DMD: variants seen among roughly 807,000 people sequenced by gnomAD.
DMD encodes dystrophin.
Under a neutral mutation model 330.1 loss-of-function variants are expected in DMD, and 63 were observed. The ratio of observed to expected loss-of-function variants is 0.19; its 90% CI spans 0.16 to 0.24. The LOEUF (loss-of-function observed/expected upper bound fraction) is 0.24. Ranked by LOEUF, DMD falls within the 10% of genes least tolerant of loss-of-function variation. The pLI is 1.00. For missense variants in DMD, 3,344 were observed against 2,684.1 expected (o/e 1.25, Z -5.43); for synonymous variants, 1,223 against 959.8 (o/e 1.27, Z -5.07).
At chrX:33,005,937 T>A (rs779831006) in intron 2 of DMD, among the ~76,000 whole-genome samples, 1 of 111,503 alleles carries the variant, frequency 9.0e-6, no homozygotes, top group African/African-American at 3.2e-5. Flanking sequence ...TAAAATTCAA[T>A]TGTTTCTTAC....
At chrX:31,164,396 A>G (rs917886374) in intron 74 of DMD, among the ~76,000 whole-genome samples, 2 of 111,626 alleles carry the variant, frequency 1.8e-5, no homozygotes, top group Admixed American at 9.5e-5. Flanking sequence ...CCCTTCAGGA[A>G]GGACCTCTAA....
At chrX:32,656,040 A>G (rs1195423027) in intron 9 of DMD, among the ~76,000 whole-genome samples, 2 of 111,543 alleles carry the variant, frequency 1.8e-5, no homozygotes, top group South Asian at 3.7e-4. Flanking sequence ...TCATCCTCCA[A>G]TATGTATCTT....
chrX:31,348,004 A>G (rs2058192167), intron 61 of DMD, among the ~76,000 whole-genome samples: 1 of 111,670 alleles, frequency 9.0e-6, no homozygotes, highest in Non-Finnish European at 1.9e-5. Flanking sequence ...CCTGTTGGCC[A>G]TTTGTATGCC....
chrX:32,651,004 T>C (rs1028302110), intron 9 of DMD, among the ~76,000 whole-genome samples: 1 of 111,982 alleles, frequency 8.9e-6, no homozygotes, highest in African/African-American at 3.3e-5. Context: ...CAAAGGTAAC[T>C]GGTGGTTCTG....
intron 7 of DMD, among the ~76,000 whole-genome samples, chrX:32,717,098 G>A (rs759697631): frequency 3.6e-4 from 40 of 110,984 alleles, no homozygotes; most frequent in South Asian, 3.9e-4. Context: ...CTATTTTCTC[G>A]GGGTGGTGGG....
chrX:31,511,333 TTTATTA>T (rs1350672061), intron 55 of DMD, among the ~76,000 whole-genome samples: 1 of 102,159 alleles, frequency 9.8e-6, no homozygotes, highest in Non-Finnish European at 2.0e-5. Context: ...TATTTATTTA[TTTATTA>T]TTATTATTAT....
At chrX:31,249,091 C>T (rs2049100040) in intron 63 of DMD, among the ~76,000 whole-genome samples, 1 of 111,850 alleles carries the variant, frequency 8.9e-6, no homozygotes, top group South Asian at 3.8e-4. Context: ...CCAGGCAGAC[C>T]CTGATTGATA....
chrX:31,749,606 A>T (rs1214593306), intron 51 of DMD, among the ~76,000 whole-genome samples: 10 of 110,339 alleles, frequency 9.1e-5, no homozygotes, highest in African/African-American at 1.6e-4. Context: ...ATAAACATAC[A>T]TGTGCATGTG....
intron 30 of DMD, among the ~76,000 whole-genome samples, chrX:32,405,687 A>G (rs2098113367): frequency 9.0e-6 from 1 of 111,567 alleles, no homozygotes; most frequent in African/African-American, 3.3e-5. Context: ...AGGTAGCATG[A>G]TGACTCCAGC....
chrX:32,365,978 C>CT (rs2097853161), intron 34 of DMD, among the ~76,000 whole-genome samples: 2 of 111,851 alleles, frequency 1.8e-5, no homozygotes, highest in East Asian at 5.6e-4. Context: ...AAACTGCTTA[C>CT]TTTTGGTTTT....
intron 52 of DMD, among the ~76,000 whole-genome samples, chrX:31,690,884 C>G (rs61324928): frequency 1.6e-4 from 18 of 110,680 alleles, no homozygotes; most frequent in Middle Eastern, 4.8e-3. Context: ...AACCAAACAC[C>G]GCATGTTCTC....
rs761219197 is a variant in DMD at position 33,179,838 on chromosome X, C to CT, written c.31+31443dup. 3.3e-3 allele frequency among the ~76,000 whole-genome samples: 330 copies of CT among 100,016 alleles called. 1 individual carries two copies. The highest frequency in any genetic ancestry group is 0.032 in the East Asian group (101 of 3,201). 86.9% of individuals were successfully genotyped at this position (100,016 alleles called of 115,157 possible). A position where few individuals can be genotyped will look rare whatever the true frequency, so the allele number is the denominator to read the frequency against. ...AATCCATTATGATTTTTAAAAAGTG[C>CT]TTTTTTTTTTTTTTTCCTCTGAGAT... On this transcript the variant is annotated intron_variant, in intron 1 of 78. Coordinates refer to ENST00000357033, the MANE Select transcript of DMD (RefSeq NM_004006.3).
rs113388303 is a variant in DMD, at chrX:32,853,457, G to A, written c.94-3637C>T. ...AAACAACAAAAAGATTAAAAGAGAC[G>A]AAGTTTGAGTTTTTAATTAGTTTTC... On this transcript the variant is annotated intron_variant, in intron 2 of 78. Coordinates refer to ENST00000357033, the MANE Select transcript of DMD (RefSeq NM_004006.3). Among the ~76,000 whole-genome samples, 15 of 111,636 alleles carry A rather than the reference G, an allele frequency of 1.3e-4. No homozygotes were observed. The East Asian group carries it at 1.4e-3, about 10-fold the overall frequency.
At chrX:31,832,543 C>G (rs2093074205) in intron 49 of DMD, among the ~76,000 whole-genome samples, 2 of 112,151 alleles carry the variant, frequency 1.8e-5, no homozygotes, top group African/African-American at 6.5e-5. Context: ...TAATTGCCCT[C>G]TTGACCATTT....
chrX:32,016,332 G>A (rs1385550861), intron 44 of DMD, among the ~76,000 whole-genome samples: 1 of 111,377 alleles, frequency 9.0e-6, no homozygotes, highest in African/African-American at 3.3e-5. Context: ...TTAGCACCCA[G>A]ACTAAGATAG....
chrX:32,047,938 T>C (rs888628475), intron 44 of DMD, among the ~76,000 whole-genome samples: 1 of 108,403 alleles, frequency 9.2e-6, no homozygotes. Flanking sequence ...CTTCACACTT[T>C]TGCTGACTAT....
At chrX:32,085,706 GCGTA>G (rs2096433875) in intron 44 of DMD, among the ~76,000 whole-genome samples, 3 of 76,574 alleles carry the variant, frequency 3.9e-5, no homozygotes, top group African/African-American at 1.5e-4. Context: ...ATATACACAC[GCGTA>G]TATATATACA....
At chrX:31,124,632 T>C (rs1446208315) in intron 78 of DMD, among the ~76,000 whole-genome samples, 1 of 112,092 alleles carries the variant, frequency 8.9e-6, no homozygotes, top group East Asian at 2.8e-4. Flanking sequence ...AAAGTATTGA[T>C]TTAATCCATT....
At chrX:33,024,837 A>G (rs140350092) in intron 1 of DMD, among the ~76,000 whole-genome samples, 1,294 of 112,002 alleles carry the variant, frequency 0.012, 24 homozygotes, top group African/African-American at 0.04. Context: ...AAAATTGCCA[A>G]GCCTTAGCGT....
Sources: allele counts gnomAD v4.1 joint callset (sites outside exome capture counted in the v4.1 genomes callset), GRCh38; gene constraint gnomAD v4.1.1; transcripts MANE v1.5; gene names NCBI Gene and HGNC (gene_info 2026-07-23, HGNC 2026-07-21).